The following CPA6 variants were observed in gnomAD, a reference collection of about 807,000 sequenced individuals.
The protein encoded by CPA6 is carboxypeptidase B.
A neutral mutation model predicts 63.3 loss-of-function variants in CPA6; 58 were observed. That is an observed-to-expected ratio of 0.92 (90% CI 0.74 to 1.14). CPA6 has a LOEUF of 1.14. Ranked by LOEUF, CPA6 falls within the 50% of genes most tolerant of loss-of-function variation. The pLI, the probability that CPA6 is intolerant of heterozygous loss-of-function variation, is 0.00. For missense variants in CPA6, 565 were observed against 526.6 expected (o/e 1.07, Z -0.71); for synonymous variants, 185 against 179.0 (o/e 1.03, Z -0.27).
intron 2 of CPA6, among the ~76,000 whole-genome samples, chr8:67,562,579 C>T (rs919335329): frequency 4.1e-4 from 63 of 152,114 alleles, no homozygotes; most frequent in African/African-American, 1.4e-3. Flanking sequence ...ATCCTAACCC[C>T]CAAGGTGATG....
intron 6 of CPA6, among the ~76,000 whole-genome samples, chr8:67,495,945 T>A (rs2128962983): frequency 6.6e-6 from 1 of 152,288 alleles, no homozygotes; most frequent in Non-Finnish European, 1.5e-5. Flanking sequence ...GCATTAGAGT[T>A]TACTCACATA....
At chr8:67,427,832 T>C (rs750429287) in intron 10 of CPA6, among the ~76,000 whole-genome samples, 3 of 152,244 alleles carry the variant, frequency 2.0e-5, no homozygotes, top group Non-Finnish European at 4.4e-5. Context: ...ACTTAGCATA[T>C]TCTCTGCTTT....
rs992753195 is a variant in CPA6 at position 67,422,324 on chromosome 8, G to C, written c.*180C>G. ...GATGCTTTTTCTTATAACAAACTAGGCTATGCCCTGTTTTTTACTGTTTTC... is the reference window on the plus strand; with the variant it reads ...GATGCTTTTTCTTATAACAAACTAGCCTATGCCCTGTTTTTTACTGTTTTC... On this transcript the variant is annotated 3_prime_UTR_variant, in exon 11 of 11. Transcript: ENST00000297770. 14 of 471,908 alleles carry C rather than the reference G, an allele frequency of 3.0e-5. No homozygotes were observed. Among genetic ancestry groups the C allele is most frequent in the African/African-American group, 2.7e-4 (14 of 52,024 alleles). The allele number at this position is 471,908 out of a possible 1,614,324, so 29.2% of individuals were successfully genotyped here.
chr8:67,437,912 CT>C (rs1224710279), intron 8 of CPA6, among the ~76,000 whole-genome samples: 2 of 126,042 alleles, frequency 1.6e-5, no homozygotes, highest in African/African-American at 4.7e-5. Context: ...CTCCACAATT[CT>C]TTTTTTCTGG....
chr8:67,589,484 A>C (rs16933420), intron 2 of CPA6, among the ~76,000 whole-genome samples: 28,990 of 152,134 alleles, frequency 0.19, 3,615 homozygotes, highest in African/African-American at 0.34. Context: ...AAAGAAGCTG[A>C]CTAGATGATC....
At chr8:67,599,900 G>A (rs968890487) in intron 2 of CPA6, among the ~76,000 whole-genome samples, 6 of 152,036 alleles carry the variant, frequency 3.9e-5, no homozygotes, top group African/African-American at 1.4e-4. Context: ...AGTATGTCGA[G>A]TATAAAATAT....
At chr8:67,658,841 C>T (rs1221444452) in intron 1 of CPA6, among the ~76,000 whole-genome samples, 1 of 152,088 alleles carries the variant, frequency 6.6e-6, no homozygotes, top group East Asian at 1.9e-4. Context: ...GGACATTCTG[C>T]TTGTCACACA....
At chr8:67,578,650 T>C (rs1813688206) in intron 2 of CPA6, among the ~76,000 whole-genome samples, 1 of 152,130 alleles carries the variant, frequency 6.6e-6, no homozygotes, top group South Asian at 2.1e-4. Flanking sequence ...GTTTTGAAGT[T>C]CAAGAAGCTT....
intron 1 of CPA6, among the ~76,000 whole-genome samples, chr8:67,686,003 A>G (rs1390408251): frequency 1.3e-5 from 2 of 152,142 alleles, no homozygotes; most frequent in East Asian, 3.9e-4. Context: ...TCTTCACAGC[A>G]CTCACTGCCG....
At chr8:67,491,902 T>A (rs903560871) in intron 6 of CPA6, among the ~76,000 whole-genome samples, 2 of 152,184 alleles carry the variant, frequency 1.3e-5, no homozygotes, top group Admixed American at 6.5e-5. Flanking sequence ...TCTTTAAAAG[T>A]CTGTCAGTGG....
At chr8:67,512,655 T>C (rs1228326094) in intron 3 of CPA6, among the ~76,000 whole-genome samples, 1 of 152,192 alleles carries the variant, frequency 6.6e-6, no homozygotes, top group Non-Finnish European at 1.5e-5. Context: ...AGCACTTCAG[T>C]CATTTGCATT....
At chr8:67,701,147 C>T (rs2128998726) in intron 1 of CPA6, among the ~76,000 whole-genome samples, 1 of 151,960 alleles carries the variant, frequency 6.6e-6, no homozygotes, top group East Asian at 1.9e-4. Flanking sequence ...TTAATCTTTA[C>T]TTATATATTT....
intron 2 of CPA6, among the ~76,000 whole-genome samples, chr8:67,614,183 C>T (rs1192130859): frequency 6.6e-6 from 1 of 152,192 alleles, no homozygotes; most frequent in African/African-American, 2.4e-5. Context: ...AACTCCTAGA[C>T]ACTACCATGG....
chr8:67,440,970 T>G (rs1810282073), intron 8 of CPA6, among the ~76,000 whole-genome samples: 1 of 152,194 alleles, frequency 6.6e-6, no homozygotes, highest in Non-Finnish European at 1.5e-5. Context: ...TGAATTTAAC[T>G]AATTACTTCC....
intron 6 of CPA6, among the ~76,000 whole-genome samples, chr8:67,505,688 T>A (rs1454301334): frequency 6.6e-6 from 1 of 152,108 alleles, no homozygotes; most frequent in Non-Finnish European, 1.5e-5. Context: ...GTTTAGAAAA[T>A]TTTATTACTC....
chr8:67,625,764 A>G (rs968785838), intron 1 of CPA6, among the ~76,000 whole-genome samples: 1 of 152,248 alleles, frequency 6.6e-6, no homozygotes, highest in Non-Finnish European at 1.5e-5. Flanking sequence ...CAGAAAACAA[A>G]AACTCTACTA....
At chr8:67,520,930 T>C (rs1168671921) in intron 2 of CPA6, among the ~76,000 whole-genome samples, 6 of 152,222 alleles carry the variant, frequency 3.9e-5, no homozygotes, top group Admixed American at 3.9e-4. Flanking sequence ...CCTGTGGGGT[T>C]ATTTGTCCCA....
In CPA6 at chr8:67,545,048, G is replaced by T. The variant is rs375280098; in HGVS notation, c.193-27001C>A. ...AAATTCCATTTTATATTTTTAGAAA[G>T]AAATTTTAATTTAATTAATGACTAT... On this transcript the variant is annotated intron_variant, in intron 2 of 10. Transcript: ENST00000297770. 2.8e-4 allele frequency among the ~76,000 whole-genome samples: 43 copies of T among 152,194 alleles called. No individual in the cohort carries two copies. In the East Asian group the frequency reaches 2.9e-3, roughly 10 times the overall value.
intron 1 of CPA6, among the ~76,000 whole-genome samples, chr8:67,661,996 T>C (rs1439743656): frequency 6.6e-6 from 1 of 152,200 alleles, no homozygotes; most frequent in Non-Finnish European, 1.5e-5. Context: ...CCTAAGCTCT[T>C]TGAAAATCTA....
Sources: allele counts gnomAD v4.1 joint callset (sites outside exome capture counted in the v4.1 genomes callset), GRCh38; gene constraint gnomAD v4.1.1; transcripts MANE v1.5; gene names NCBI Gene and HGNC (gene_info 2026-07-23, HGNC 2026-07-21).